SRPK2: variants seen among roughly 807,000 people sequenced by gnomAD.
SRPK2 encodes the protein SFRS protein kinase 2.
In SRPK2, 21 loss-of-function variants were observed where a neutral mutation model predicts 90.8. The observed-to-expected ratio is 0.23, with a 90% confidence interval of 0.16 to 0.33. The LOEUF is 0.33. Ranked by LOEUF, SRPK2 falls within the 10% of genes least tolerant of loss-of-function variation. The probability of loss-of-function intolerance (pLI) is 1.00; values close to 1 mark genes in which losing one functional copy is unlikely to be tolerated. For synonymous variants in SRPK2, 288 were observed against 311.1 expected, an observed-to-expected ratio of 0.93 and a Z score of 0.78; for missense variants, 620 against 869.0, an observed-to-expected ratio of 0.71 and a Z score of 3.60.
upstream of SRPK2, chr7:105,389,125 C>A (rs1284592303): frequency 1.0e-6 from 1 of 994,568 alleles, no homozygotes; most frequent in Admixed American, 6.2e-5. Flanking sequence ...TCCCCCACCC[C>A]AGCCCGCGGC....
chr7:105,363,798 T>G (rs535341900), intron 2 of SRPK2, among the ~76,000 whole-genome samples: 5 of 152,142 alleles, frequency 3.3e-5, no homozygotes, highest in Admixed American at 1.3e-4. Flanking sequence ...TGTCCATCAA[T>G]GATAGAGTGG....
At chr7:105,318,835 T>C (rs1812593203) in intron 2 of SRPK2, among the ~76,000 whole-genome samples, 1 of 152,252 alleles carries the variant, frequency 6.6e-6, no homozygotes, top group African/African-American at 2.4e-5. Flanking sequence ...CACTAGACAC[T>C]GGTATAAAAT....
chr7:105,245,077 CT>C (rs1385070575), intron 2 of SRPK2: 1 of 348,994 alleles, frequency 2.9e-6, no homozygotes, highest in Non-Finnish European at 5.6e-6. Context: ...ACACACACCT[CT>C]TTTTCTTAGT....
chr7:105,246,596 G>C (rs532548235), intron 2 of SRPK2, among the ~76,000 whole-genome samples: 7 of 152,250 alleles, frequency 4.6e-5, no homozygotes, highest in Admixed American at 3.9e-4. Context: ...ACAGACCTAC[G>C]ACAGTGACAC....
chr7:105,199,721 T>G (rs766336667), intron 3 of SRPK2, among the ~76,000 whole-genome samples: 1 of 152,066 alleles, frequency 6.6e-6, no homozygotes, highest in Non-Finnish European at 1.5e-5. Context: ...GGTATCAGAT[T>G]AATAAACTCA....
intron 13 of SRPK2, among the ~76,000 whole-genome samples, chr7:105,131,011 T>C (rs1801925237): frequency 6.6e-6 from 1 of 152,180 alleles, no homozygotes; most frequent in South Asian, 2.1e-4. Context: ...AGGGAAATTG[T>C]ATGGAGGGAC....
chr7:105,145,371 C>A, intron 8 of SRPK2, 63 bp from the exon 9 acceptor site: 1 of 1,243,570 alleles, frequency 8.0e-7, no homozygotes, highest in South Asian at 1.4e-5. Flanking sequence ...TCATGTAGGT[C>A]ATTCGAATTG....
chr7:105,290,765 G>A (rs981968287), intron 2 of SRPK2, among the ~76,000 whole-genome samples: 3 of 152,074 alleles, frequency 2.0e-5, no homozygotes, highest in Non-Finnish European at 2.9e-5. Flanking sequence ...AAGGCCGGGC[G>A]CGGTGGCTCA....
chr7:105,169,269 A>G lies in SRPK2; in HGVS notation c.230-4T>C. On this transcript the variant is annotated splice_region_variant and splice_polypyrimidine_tract_variant and intron_variant, in intron 3 of 15. Transcript: ENST00000393651. ...ATTTTCACTGGATGATATCCACCTT[A>G]AAAAACAAGAAAGAAAGAAAAAAAT... 1 of 1,602,912 alleles carries G rather than the reference A, an allele frequency of 6.2e-7. No individual in the cohort carries two copies. The highest frequency in any genetic ancestry group is 8.5e-7 in the Non-Finnish European group (1 of 1,174,004).
intron 2 of SRPK2, among the ~76,000 whole-genome samples, chr7:105,281,766 G>A (rs545796835): frequency 1.3e-5 from 2 of 151,782 alleles, no homozygotes; most frequent in South Asian, 4.2e-4. Flanking sequence ...GGAAGTACAA[G>A]GCTTGTACAC....
Position 105,142,260 on chromosome 7 carries a change from T to G in SRPK2, c.1291A>C (p.Asn431His). The change falls in exon 11 of 16, where the codon AAT (asparagine) becomes CAT (histidine). Residue 431 changes from asparagine (N) to histidine (H), a missense_variant. Transcript: ENST00000393651. ...CTATATGTGTAATCACTTTCTGCAT[T>G]TGGCTCATCAAGATTATATTCCTCA... is the stretch of plus-strand genomic sequence containing the variant. ...NPEEYNLDEPNAESDYTYSSS... is the reference protein window; with the variant it reads ...NPEEYNLDEPHAESDYTYSSS... 6.2e-7 allele frequency: 1 copy of G among 1,614,192 alleles called. No homozygotes were observed. The highest frequency in any genetic ancestry group is 8.5e-7 in the Non-Finnish European group (1 of 1,180,022).
Position 105,143,195 on chromosome 7 carries a change from T to C in SRPK2, c.949A>G (p.Ile317Val). 6.2e-6 allele frequency: 10 copies of C among 1,614,222 alleles called. No homozygotes were observed. The highest frequency in any genetic ancestry group is 8.5e-6 in the Non-Finnish European group (10 of 1,180,030). Residue 317 changes from isoleucine to valine, a missense_variant, in exon 10 of 16, where the codon ATC becomes GTC. Ile to Val is a conservative substitution (Grantham distance 29, BLOSUM62 3). This residue lies in a region of SRPK2 where 243 missense variants were observed against 245.7 expected (regional missense o/e 0.99). Transcript: ENST00000393651. Reference sequence around the variant, plus strand: ...TCATTGGAAGGTGCAGCTGAGGTGATGTTTTCTTCTATTATTTTCCTTTCA... The same window carrying C: ...TCATTGGAAGGTGCAGCTGAGGTGACGTTTTCTTCTATTATTTTCCTTTCA... Reference protein sequence around the residue: ...EAERKIIEENITSAAPSNDQD... With the variant: ...EAERKIIEENVTSAAPSNDQD...
chr7:105,301,808 G>A, intron 2 of SRPK2: 1 of 1,562,558 alleles, frequency 6.4e-7, no homozygotes, highest in Non-Finnish European at 8.8e-7. Context: ...GAACCGCTAT[G>A]ACCTGTACAT....
intron 2 of SRPK2, among the ~76,000 whole-genome samples, chr7:105,329,450 T>C (rs959274139): frequency 6.6e-6 from 1 of 151,874 alleles, no homozygotes; most frequent in African/African-American, 2.4e-5. Context: ...AAAATTAGCC[T>C]GGCATGGTGG....
chr7:105,241,569 C>T (rs1800819271), intron 2 of SRPK2, among the ~76,000 whole-genome samples: 1 of 152,180 alleles, frequency 6.6e-6, no homozygotes, highest in Non-Finnish European at 1.5e-5. Flanking sequence ...GGAAAACTAG[C>T]ACAATGAGGT....
At chr7:105,238,565 T>G (rs796855778) in intron 2 of SRPK2, among the ~76,000 whole-genome samples, 9 of 152,306 alleles carry the variant, frequency 5.9e-5, no homozygotes, top group African/African-American at 2.2e-4. Flanking sequence ...ATCCAGTGGT[T>G]TGCCCACAGC....
chr7:105,398,809 A>T (rs934317076), intron 1 of SRPK2, among the ~76,000 whole-genome samples: 17 of 152,198 alleles, frequency 1.1e-4, no homozygotes, highest in Non-Finnish European at 2.4e-4. Flanking sequence ...TTCAAGGGCT[A>T]GTTCTGCCAT....
intron 3 of SRPK2, among the ~76,000 whole-genome samples, chr7:105,181,017 C>T (rs903953787): frequency 3.3e-5 from 5 of 152,116 alleles, no homozygotes; most frequent in African/African-American, 9.7e-5. Flanking sequence ...AACTTAAACA[C>T]ATATACAAGC....
chr7:105,197,741 G>C (rs1795093055), intron 3 of SRPK2, among the ~76,000 whole-genome samples: 1 of 152,134 alleles, frequency 6.6e-6, no homozygotes, highest in Non-Finnish European at 1.5e-5. Flanking sequence ...GGGTAATAAA[G>C]GAAAGGGTCT....
Sources: allele counts gnomAD v4.1 joint callset (sites outside exome capture counted in the v4.1 genomes callset), GRCh38; gene constraint gnomAD v4.1.1; regional missense constraint gnomAD v4.1.1; transcripts MANE v1.5; gene names NCBI Gene and HGNC (gene_info 2026-07-23, HGNC 2026-07-21).